NPEPL1: variants seen among roughly 807,000 people sequenced by gnomAD.
NPEPL1 encodes the protein aminopeptidase like 1.
NPEPL1 carries 45 observed loss-of-function variants against 52.4 expected under a neutral mutation model. The observed-to-expected ratio is 0.86, with a 90% CI of 0.68 to 1.10. The LOEUF (loss-of-function observed/expected upper bound fraction) is 1.10, where lower values mean the gene tolerates loss of function less well. NPEPL1 is among the 50% of genes least tolerant of loss of function. NPEPL1 has a pLI of 0.00. For synonymous variants in NPEPL1, 360 were observed against 314.7 expected (o/e 1.14, Z -1.52); for missense variants, 696 against 710.9 (o/e 0.98, Z 0.24).
chr20:58,705,062 CATT>C (rs1158077263), intron 6 of NPEPL1, among the ~76,000 whole-genome samples: 1 of 152,162 alleles, frequency 6.6e-6, no homozygotes, highest in African/African-American at 2.4e-5. Context: ...TCAGAAAACT[CATT>C]ATGAGGAAGT....
chr20:58,694,222 AT>A (rs1297463418), intron 2 of NPEPL1, among the ~76,000 whole-genome samples, 199 bp from the exon 3 acceptor site: 1 of 151,940 alleles, frequency 6.6e-6, no homozygotes, highest in Non-Finnish European at 1.5e-5. Context: ...CCAATGTGTT[AT>A]TTCTCTTGGA....
In NPEPL1 at chr20:58,692,954, G is replaced by T; in HGVS notation, c.54G>T (p.Gln18His). The T allele has an allele frequency of 3.4e-6, 4 of 1,184,988 alleles. No individual in the cohort carries two copies. Among genetic ancestry groups the T allele is most frequent in the Non-Finnish European group, 4.3e-6 (4 of 939,490 alleles). 73.4% of individuals were successfully genotyped at this position (1,184,988 alleles called of 1,614,324 possible). A position where few individuals can be genotyped will look rare whatever the true frequency, so the allele number is the denominator to read the frequency against. ...FQASAGDSDPQSRPLLLLGQL... is the reference protein window; with the variant it reads ...FQASAGDSDPHSRPLLLLGQL... ...CGAGCGCGGGGGACTCGGACCCACA[G>T]AGCCGGCCCCTGCTGCTGCTCGGGC... Residue 18 changes from glutamine (Q) to histidine (H), a missense_variant, in exon 1 of 12, where the codon CAG becomes CAT. Transcript: ENST00000356091. The surrounding 1 kb of genome is among the most constrained non-coding windows in gnomAD (Gnocchi z 5.7).
At position 58,713,387 on chromosome 20, in the gene NPEPL1, C is replaced by T. The variant is rs1260512566; in HGVS notation, c.1002-33C>T. 1.9e-6 allele frequency: 3 copies of T among 1,561,690 alleles called. No individual in the cohort carries two copies. The highest frequency in any genetic ancestry group is 1.4e-5 in the African/African-American group (1 of 73,814). On this transcript the variant is annotated intron_variant, in intron 8 of 11. Coordinates refer to ENST00000356091, the MANE Select transcript of NPEPL1 (RefSeq NM_024663.4). This position sits in a 1 kb window ranked among gnomAD's most constrained non-coding sequence, Gnocchi z 4.6. The stretch of plus-strand genomic sequence containing the variant: ...CTCATGCCAGTGTCCCAGGAAATCC[C>T]GTCCCTGAGCGGGGATCTCTACCAT...
Position 58,713,508 on chromosome 20 carries a change from A to G in NPEPL1, c.1090A>G (p.Ile364Val). ...TGCTTGCAAGGACCTGGGGGCCGAC[A>G]TCATCCTGGACATGGCCACCCTGAC... Reference protein sequence around the residue: ...SYACKDLGADIILDMATLTGA... With the variant: ...SYACKDLGADVILDMATLTGA... The change falls in exon 9 of 12, where the codon ATC becomes GTC. Residue 364 changes from isoleucine to valine, a missense_variant. Coordinates refer to ENST00000356091, the MANE Select transcript of NPEPL1 (RefSeq NM_024663.4). This position sits in a 1 kb window ranked among gnomAD's most constrained non-coding sequence, Gnocchi z 4.6. 1 of 1,611,314 alleles carries G rather than the reference A, an allele frequency of 6.2e-7. No individual in the cohort carries two copies. The highest frequency in any genetic ancestry group is 8.5e-7 in the Non-Finnish European group (1 of 1,178,946).
chr20:58,695,410 T>C (rs904276245), intron 3 of NPEPL1, among the ~76,000 whole-genome samples: 1 of 152,102 alleles, frequency 6.6e-6, no homozygotes, highest in Admixed American at 6.5e-5. Context: ...CTGAGAATGA[T>C]CCTTTTGAGG....
At chr20:58,700,475 C>T (rs1389908424) in intron 5 of NPEPL1, among the ~76,000 whole-genome samples, 1 of 152,230 alleles carries the variant, frequency 6.6e-6, no homozygotes, top group Non-Finnish European at 1.5e-5. Flanking sequence ...ATGATTAGCT[C>T]TCGTCATTGT....
rs372704160 is a variant in NPEPL1 at position 58,701,162 on chromosome 20, A to G, written c.822+4A>G. On this transcript the variant is annotated splice_donor_region_variant and intron_variant, in intron 6 of 11. Transcript: ENST00000356091. ...AGGCCTCAGCATCAAAGGGAAGGTG[A>G]GGTGCGGGCTGGCTCTCAGGGTGCC... 6.0e-6 allele frequency: 9 copies of G among 1,494,836 alleles called. No individual in the cohort carries two copies. In the African/African-American group the frequency reaches 1.3e-4, roughly 22 times the overall value. 92.6% of individuals were successfully genotyped at this position (1,494,836 alleles called of 1,614,324 possible).
chr20:58,713,990 CGGGCAGGAAGTGTG>C lies in NPEPL1; in HGVS notation c.1203_1216del (p.Arg402ProfsTer67). ...GAGTGGGAGGCCGCCTGTGTGAAGG[CGGGCAGGAAGTGTG>C]GGGACCTGGTGCACCCGCTGGTCTA... On this transcript the variant is annotated frameshift_variant, in exon 10 of 12. Transcript: ENST00000356091. LOFTEE classifies it high-confidence loss of function. This position sits in a 1 kb window ranked among gnomAD's most constrained non-coding sequence, Gnocchi z 4.6. 6.6e-7 allele frequency: 1 copy of C among 1,523,092 alleles called. No individual in the cohort carries two copies. Among genetic ancestry groups the C allele is most frequent in the Non-Finnish European group, 8.8e-7 (1 of 1,138,702 alleles). The allele number at this position is 1,523,092 out of a possible 1,614,324, so 94.3% of individuals were successfully genotyped here.
intron 5 of NPEPL1, among the ~76,000 whole-genome samples, chr20:58,699,787 A>ATAAG (rs1034929823): frequency 4.9e-4 from 75 of 152,350 alleles, no homozygotes; most frequent in African/African-American, 1.7e-3. Context: ...AGAGGGGCAG[A>ATAAG]TAAGTATGAC....
chr20:58,713,665 C>A lies in NPEPL1; in HGVS notation c.1125+122C>A. The stretch of plus-strand genomic sequence containing the variant: ...GTCAGGAAGTTTTCATAACTGGGCA[C>A]GAGGAGGCAGGAGGAGCTGCCCGTC... On this transcript the variant is annotated intron_variant, in intron 9 of 11. Coordinates refer to ENST00000356091, the MANE Select transcript of NPEPL1 (RefSeq NM_024663.4). This position sits in a 1 kb window ranked among gnomAD's most constrained non-coding sequence, Gnocchi z 4.6. 7.4e-7 allele frequency: 1 copy of A among 1,349,266 alleles called. No homozygotes were observed. The highest frequency in any genetic ancestry group is 9.8e-7 in the Non-Finnish European group (1 of 1,021,590). 83.6% of individuals were successfully genotyped at this position (1,349,266 alleles called of 1,614,324 possible).
intron 7 of NPEPL1, 78 bp downstream of exon 7, chr20:58,707,278 C>T (rs769296559): frequency 1.3e-5 from 17 of 1,270,658 alleles, no homozygotes; most frequent in South Asian, 1.1e-4. Context: ...CTGTCCGTCC[C>T]GCCACAGGCC....
chr20:58,701,228 C>G (rs1397529452), intron 6 of NPEPL1, 70 bp downstream of exon 6: 21 of 478,168 alleles, frequency 4.4e-5, no homozygotes, highest in Non-Finnish European at 3.3e-5. Flanking sequence ...GGGCCCGGCT[C>G]TCCCGGGTGC....
In NPEPL1 at chr20:58,713,361, G is replaced by A. The variant is rs914707541; in HGVS notation, c.1002-59G>A. 2.0e-6 allele frequency: 3 copies of A among 1,517,038 alleles called. No homozygotes were observed. Among genetic ancestry groups the A allele is most frequent in the Non-Finnish European group, 2.7e-6 (3 of 1,124,474 alleles). 94.0% of individuals were successfully genotyped at this position (1,517,038 alleles called of 1,614,324 possible). A position where few individuals can be genotyped will look rare whatever the true frequency, so the allele number is the denominator to read the frequency against. On this transcript the variant is annotated intron_variant, in intron 8 of 11. Coordinates refer to ENST00000356091, the MANE Select transcript of NPEPL1 (RefSeq NM_024663.4). This position sits in a 1 kb window ranked among gnomAD's most constrained non-coding sequence, Gnocchi z 4.6. ...ATGGGGTCTCCCCAGTTTCAAAGGGGCTCATGCCAGTGTCCCAGGAAATCC... is the reference window on the plus strand; with the variant it reads ...ATGGGGTCTCCCCAGTTTCAAAGGGACTCATGCCAGTGTCCCAGGAAATCC...
chr20:58,703,642 T>C lies in NPEPL1; in HGVS notation c.822+2484T>C, dbSNP rs1318436609. On this transcript the variant is annotated intron_variant, in intron 6 of 11. Coordinates refer to ENST00000356091, the MANE Select transcript of NPEPL1 (RefSeq NM_024663.4). Reference sequence around the variant, plus strand: ...ATTCGTTTGCTTGTGGCACTAACTCTAGTCACTTAGGGAAAATATCGTTGC... The same window carrying C: ...ATTCGTTTGCTTGTGGCACTAACTCCAGTCACTTAGGGAAAATATCGTTGC... 7.1e-6 allele frequency: 7 copies of C among 985,254 alleles called. No homozygotes were observed. In the South Asian group the frequency reaches 1.9e-4, roughly 26 times the overall value. 61.0% of individuals were successfully genotyped at this position (985,254 alleles called of 1,614,324 possible). A position where few individuals can be genotyped will look rare whatever the true frequency, so the allele number is the denominator to read the frequency against.
intron 3 of NPEPL1, among the ~76,000 whole-genome samples, chr20:58,695,045 T>A (rs1336623548): frequency 6.7e-6 from 1 of 148,718 alleles, no homozygotes; most frequent in Non-Finnish European, 1.5e-5. Context: ...TGTTGCTGTG[T>A]ATGTTTGCTG....
At chr20:58,691,825 T>A, upstream of NPEPL1, 7 of 1,545,060 alleles carry the variant, frequency 4.5e-6, no homozygotes, top group Middle Eastern at 1.7e-4. Flanking sequence ...GCAATCAGGA[T>A]GTTGGGTAAC....
At chr20:58,705,618 G>A (rs892540753) in intron 6 of NPEPL1, 65 of 441,494 alleles carry the variant, frequency 1.5e-4, no homozygotes, top group East Asian at 3.5e-4. Flanking sequence ...AAATCACTGC[G>A]AAAATGGTTT....
intron 6 of NPEPL1, chr20:58,703,956 G>A (rs1292787578): frequency 7.1e-6 from 7 of 985,202 alleles, no homozygotes; most frequent in Non-Finnish European, 8.4e-6. Context: ...GGGTGTTCTG[G>A]CACCAGTGAA....
rs2084892543 is a variant in NPEPL1, at chr20:58,713,337, T to A, written c.1002-83T>A. The A allele has an allele frequency of 1.4e-6, 2 of 1,471,934 alleles. No individual in the cohort carries two copies. Among genetic ancestry groups the A allele is most frequent in the Non-Finnish European group, 1.8e-6 (2 of 1,101,754 alleles). The allele number at this position is 1,471,934 out of a possible 1,614,324, so 91.2% of individuals were successfully genotyped here. On this transcript the variant is annotated intron_variant, in intron 8 of 11. Transcript: ENST00000356091. This position sits in a 1 kb window ranked among gnomAD's most constrained non-coding sequence, Gnocchi z 4.6. ...AGCCACAGGGATGGGCAGCTCCAAATGGGGTCTCCCCAGTTTCAAAGGGGC... is the reference window on the plus strand; with the variant it reads ...AGCCACAGGGATGGGCAGCTCCAAAAGGGGTCTCCCCAGTTTCAAAGGGGC...
Sources: allele counts gnomAD v4.1 joint callset (sites outside exome capture counted in the v4.1 genomes callset), GRCh38; gene constraint gnomAD v4.1.1; non-coding constraint Gnocchi (gnomAD v3.1); transcripts MANE v1.5; gene names NCBI Gene and HGNC (gene_info 2026-07-23, HGNC 2026-07-21).